Variants in SGPP2 observed in about 807,000 individuals in gnomAD.
SGPP2 encodes sphingosine-1-phosphate phosphatase 2.
SGPP2 carries 30 observed loss-of-function variants against 33.9 expected under a neutral mutation model. The ratio of observed to expected loss-of-function variants is 0.89; its 90% CI spans 0.66 to 1.20. The LOEUF is 1.20. Among genes scored for constraint, SGPP2 ranks in the 50% most tolerant of loss-of-function variants. The probability of loss-of-function intolerance (pLI) is 0.00; values close to 1 mark genes in which losing one functional copy is unlikely to be tolerated. For missense variants in SGPP2, 458 were observed against 532.1 expected, an observed-to-expected ratio of 0.86 and a Z score of 1.37; for synonymous variants, 233 against 225.0, an observed-to-expected ratio of 1.04 and a Z score of -0.32.
At chr2:222,517,519 C>T (rs1698623201) in intron 2 of SGPP2, among the ~76,000 whole-genome samples, 1 of 152,198 alleles carries the variant, frequency 6.6e-6, no homozygotes. Flanking sequence ...CTCAATAAAA[C>T]CCCTGTATTC....
chr2:222,536,978 A>G (rs1698925384), intron 4 of SGPP2, among the ~76,000 whole-genome samples: 1 of 152,228 alleles, frequency 6.6e-6, no homozygotes, highest in Non-Finnish European at 1.5e-5. Context: ...ACCTAGTTCA[A>G]TAAAGAATTC....
rs560695714 is a variant in SGPP2, at chr2:222,538,347, G to A, written c.648+13314G>A. On this transcript the variant is annotated intron_variant, in intron 4 of 4. Transcript: ENST00000321276. Reference sequence around the variant, plus strand: ...TACTCCTGCATATGAGAGAAAGGGAGAGGAAGAGAGACAGAGAGAGATTTC... The same window carrying A: ...TACTCCTGCATATGAGAGAAAGGGAAAGGAAGAGAGACAGAGAGAGATTTC... Among the ~76,000 whole-genome samples the A allele has an allele frequency of 9.2e-5, 14 of 152,128 alleles. 1 individual carries two copies. Among genetic ancestry groups the A allele is most frequent in the Admixed American group, 2.6e-4 (4 of 15,276 alleles).
chr2:222,492,452 A>G (rs1281273809), intron 2 of SGPP2, among the ~76,000 whole-genome samples: 1 of 152,238 alleles, frequency 6.6e-6, no homozygotes, highest in African/African-American at 2.4e-5. Flanking sequence ...GGCCTGAACT[A>G]TACCTTGGCC....
intron 2 of SGPP2, among the ~76,000 whole-genome samples, chr2:222,474,957 T>A (rs1195648588): frequency 6.6e-6 from 1 of 152,144 alleles, no homozygotes; most frequent in Non-Finnish European, 1.5e-5. Context: ...TGGCTGGTTG[T>A]CCTTTAATGA....
At chr2:222,491,419 G>C (rs1277532899) in intron 2 of SGPP2, among the ~76,000 whole-genome samples, 1 of 152,142 alleles carries the variant, frequency 6.6e-6, no homozygotes, top group Non-Finnish European at 1.5e-5. Flanking sequence ...TGCATGGCTG[G>C]GGAGGCAAAA....
chr2:222,500,080 G>T (rs938689187), intron 2 of SGPP2, among the ~76,000 whole-genome samples: 3 of 152,212 alleles, frequency 2.0e-5, no homozygotes, highest in Non-Finnish European at 4.4e-5. Context: ...CATCCCAGAG[G>T]TATGACAGCC....
Position 222,450,113 on chromosome 2 carries a change from A to T in SGPP2, c.220-24455A>T, listed in dbSNP as rs373446127. Reference sequence around the variant, plus strand: ...CTTAAGAGAAACTAGAATATGAAATATAGACTGTGTTCTGTCCTGCAGCAT... The same window carrying T: ...CTTAAGAGAAACTAGAATATGAAATTTAGACTGTGTTCTGTCCTGCAGCAT... On this transcript the variant is annotated intron_variant, in intron 1 of 4. Coordinates refer to ENST00000321276, the MANE Select transcript of SGPP2 (RefSeq NM_152386.4). Among the ~76,000 whole-genome samples the T allele has an allele frequency of 1.7e-3, 257 of 152,364 alleles. 2 individuals are homozygous for T. The Middle Eastern group carries it at 0.017, about 10-fold the overall frequency.
rs116001975 is a variant in SGPP2 at position 222,433,119 on chromosome 2, G to A, written c.219+8298G>A. Among the ~76,000 whole-genome samples the A allele has an allele frequency of 4.1e-3, 623 of 151,842 alleles. 5 individuals carry two copies. The highest frequency in any genetic ancestry group is 0.014 in the African/African-American group (592 of 41,400). On this transcript the variant is annotated intron_variant, in intron 1 of 4. Transcript: ENST00000321276. ...AAGGGGAGGGGAGGGGAGGGGACAG[G>A]CAAAGCCAAACAAAGCAGAAAAAAA...
At position 222,562,551 on chromosome 2, in the gene SGPP2, C is replaced by G. The variant is rs1009513967; in HGVS notation, c.*3653C>G. On this transcript the variant is annotated 3_prime_UTR_variant, in exon 5 of 5. Transcript: ENST00000321276. ...AACCTTCAGCTGTCTTGCTTATGTA[C>G]TGTATGTAAATTTATTCTTTTTAAA... Among the ~76,000 whole-genome samples, 4 of 152,142 alleles carry G rather than the reference C, an allele frequency of 2.6e-5. No homozygotes were observed. The highest frequency in any genetic ancestry group is 5.9e-5 in the Non-Finnish European group (4 of 68,034).
intron 1 of SGPP2, among the ~76,000 whole-genome samples, chr2:222,463,100 G>A (rs1286266027): frequency 2.0e-5 from 3 of 152,178 alleles, no homozygotes; most frequent in African/African-American, 4.8e-5. Context: ...TCTGCTCTAG[G>A]CAAGACTTTA....
intron 1 of SGPP2, among the ~76,000 whole-genome samples, chr2:222,468,896 G>GA (rs1336454122): frequency 5.9e-5 from 9 of 152,186 alleles, no homozygotes; most frequent in East Asian, 1.9e-4. Flanking sequence ...TTAAATGGCT[G>GA]AAAAAATCCC....
At chr2:222,461,044 C>A (rs925758378) in intron 1 of SGPP2, among the ~76,000 whole-genome samples, 13 of 152,216 alleles carry the variant, frequency 8.5e-5, no homozygotes, top group Non-Finnish European at 4.4e-5. Context: ...GCATGAGCCA[C>A]CACATTCGGC....
At chr2:222,519,335 A>T (rs980623920) in intron 2 of SGPP2, among the ~76,000 whole-genome samples, 2 of 152,290 alleles carry the variant, frequency 1.3e-5, no homozygotes, top group Non-Finnish European at 2.9e-5. Flanking sequence ...CTCCTGGGTG[A>T]GGCTGGTACA....
chr2:222,434,872 A>G (rs906261172), intron 1 of SGPP2, among the ~76,000 whole-genome samples: 1 of 151,816 alleles, frequency 6.6e-6, no homozygotes, highest in African/African-American at 2.4e-5. Flanking sequence ...ATAGAACATC[A>G]AGTATTTTGT....
intron 1 of SGPP2, among the ~76,000 whole-genome samples, chr2:222,451,619 T>G (rs1433824253): frequency 6.6e-6 from 1 of 152,242 alleles, no homozygotes; most frequent in Non-Finnish European, 1.5e-5. Flanking sequence ...CTTGCTAGAC[T>G]TTCCCACTGA....
At chr2:222,493,790 A>G (rs947399229) in intron 2 of SGPP2, among the ~76,000 whole-genome samples, 11 of 152,200 alleles carry the variant, frequency 7.2e-5, no homozygotes, top group Admixed American at 2.6e-4. Context: ...GCCTAAAATT[A>G]ATGATCTCTT....
intron 1 of SGPP2, among the ~76,000 whole-genome samples, chr2:222,459,925 A>T (rs1697633656): frequency 6.6e-6 from 1 of 152,176 alleles, no homozygotes; most frequent in Admixed American, 6.5e-5. Context: ...GTCACACAGC[A>T]CTTTCTGGAA....
At position 222,477,999 on chromosome 2, in the gene SGPP2, A is replaced by G. The variant is rs1355128282; in HGVS notation, c.378+3273A>G. Among the ~76,000 whole-genome samples, 1 of 152,160 alleles carries G rather than the reference A, an allele frequency of 6.6e-6. No individual in the cohort carries two copies. The highest frequency in any genetic ancestry group is 1.5e-5 in the Non-Finnish European group (1 of 68,036). On this transcript the variant is annotated intron_variant, in intron 2 of 4. Transcript: ENST00000321276. This position sits in a 1 kb window ranked among gnomAD's most constrained non-coding sequence, Gnocchi z 6.0. ...TTACTTGACTTTTTAAAATCGGTGC[A>G]TGGCCTGGTTCACCAGTCCCCCTGT...
intron 1 of SGPP2, among the ~76,000 whole-genome samples, chr2:222,451,610 T>C (rs4347828): frequency 6.6e-6 from 1 of 152,244 alleles, no homozygotes; most frequent in Non-Finnish European, 1.5e-5. Context: ...TATCTGCCAC[T>C]TGCTAGACTT....
Sources: gnomAD v4.1 joint callset for allele counts (sites outside exome capture counted in the v4.1 genomes callset) on GRCh38, gnomAD v4.1.1 for gene constraint, Gnocchi (gnomAD v3.1) non-coding constraint, MANE v1.5 for transcripts, NCBI Gene and HGNC (gene_info 2026-07-23, HGNC 2026-07-21) for gene names.